The following CDH18 variants were observed in gnomAD, a reference collection of about 807,000 sequenced individuals.
CDH18 encodes cadherin-18.
A neutral mutation model predicts 67.9 loss-of-function variants in CDH18; 31 were observed. The observed-to-expected ratio is 0.46, with a 90% confidence interval of 0.34 to 0.62. The LOEUF is 0.62. CDH18 is among the 20% of genes least tolerant of loss of function. The probability of loss-of-function intolerance (pLI) is 0.01; values close to 1 mark genes in which losing one functional copy is unlikely to be tolerated. For synonymous variants in CDH18, 362 were observed against 347.2 expected (o/e 1.04, Z -0.48); for missense variants, 890 against 975.5 (o/e 0.91, Z 1.17).
intron 1 of CDH18, among the ~76,000 whole-genome samples, chr5:20,336,690 T>C: frequency 8.8e-6 from 1 of 113,740 alleles, no homozygotes; most frequent in Admixed American, 1.3e-4. Flanking sequence ...ACCACTGCAC[T>C]CCAGCCTGGG....
chr5:19,952,758 T>C (rs577621870), intron 2 of CDH18, among the ~76,000 whole-genome samples: 4 of 152,222 alleles, frequency 2.6e-5, no homozygotes, highest in African/African-American at 7.2e-5. Context: ...ATTCAATATA[T>C]ATTCAAACCT....
At chr5:19,961,410 T>C (rs1184925201) in intron 2 of CDH18, among the ~76,000 whole-genome samples, 1 of 152,090 alleles carries the variant, frequency 6.6e-6, no homozygotes. Flanking sequence ...CCCAGCCAAC[T>C]ACATTATAAT....
At chr5:20,169,661 C>T (rs1276969849) in intron 2 of CDH18, among the ~76,000 whole-genome samples, 1 of 152,096 alleles carries the variant, frequency 6.6e-6, no homozygotes, top group East Asian at 1.9e-4. Context: ...TGGCCTCATG[C>T]AATTTATACA....
chr5:19,511,708 G>GATA (rs1404471165), intron 10 of CDH18, among the ~76,000 whole-genome samples: 28 of 152,182 alleles, frequency 1.8e-4, no homozygotes, highest in African/African-American at 6.7e-4. Context: ...ATAGCAAAGA[G>GATA]CACCCTGGTG....
intron 5 of CDH18, among the ~76,000 whole-genome samples, chr5:19,696,394 G>A (rs991186527): frequency 1.3e-5 from 2 of 151,744 alleles, no homozygotes; most frequent in African/African-American, 2.4e-5. Context: ...AAAATTAGCC[G>A]GGTGTGGTGG....
At chr5:20,564,467 C>T (rs530148272) in intron 1 of CDH18, among the ~76,000 whole-genome samples, 18 of 151,614 alleles carry the variant, frequency 1.2e-4, no homozygotes, top group Non-Finnish European at 2.2e-4. Flanking sequence ...TCAGTAGAGA[C>T]GGGGTTTCAC....
At chr5:20,374,209 C>T (rs1159808344) in intron 1 of CDH18, among the ~76,000 whole-genome samples, 1 of 152,202 alleles carries the variant, frequency 6.6e-6, no homozygotes, top group South Asian at 2.1e-4. Context: ...CCAACCACTA[C>T]ACCCAACTAC....
At chr5:19,484,729 G>C (rs968857523) in intron 11 of CDH18, among the ~76,000 whole-genome samples, 3 of 152,166 alleles carry the variant, frequency 2.0e-5, no homozygotes, top group African/African-American at 7.2e-5. Context: ...CAGCCATTAA[G>C]AGACATTAAG....
chr5:20,141,040 C>G (rs959711369), intron 2 of CDH18, among the ~76,000 whole-genome samples: 13 of 152,152 alleles, frequency 8.5e-5, no homozygotes, highest in African/African-American at 2.7e-4. Flanking sequence ...CAGCCAGATT[C>G]CCACTCATCT....
At chr5:20,253,152 A>T (rs1364127637) in intron 2 of CDH18, among the ~76,000 whole-genome samples, 1 of 152,192 alleles carries the variant, frequency 6.6e-6, no homozygotes, top group Admixed American at 6.5e-5. Flanking sequence ...ACCAAAAATT[A>T]TCTTGCTAAT....
intron 1 of CDH18, among the ~76,000 whole-genome samples, chr5:20,413,220 A>T (rs1746952513): frequency 6.6e-6 from 1 of 152,208 alleles, no homozygotes; most frequent in Non-Finnish European, 1.5e-5. Flanking sequence ...ATTGATGGAC[A>T]TTTGGGTTGG....
At chr5:20,197,098 G>A (rs1047014894) in intron 2 of CDH18, among the ~76,000 whole-genome samples, 15 of 152,108 alleles carry the variant, frequency 9.9e-5, no homozygotes, top group East Asian at 5.8e-4. Context: ...TGGAACCTCC[G>A]TCTCCCAGGT....
chr5:19,585,349 T>C (rs1743985553), intron 7 of CDH18, among the ~76,000 whole-genome samples: 1 of 152,156 alleles, frequency 6.6e-6, no homozygotes, highest in African/African-American at 2.4e-5. Context: ...TTTGTCAATA[T>C]GAAGTTGTTT....
intron 1 of CDH18, among the ~76,000 whole-genome samples, chr5:20,341,375 C>G (rs1256762320): frequency 1.3e-5 from 2 of 152,042 alleles, no homozygotes; most frequent in Non-Finnish European, 2.9e-5. Flanking sequence ...GCTTCCTGCC[C>G]TCTAACATTG....
intron 1 of CDH18, among the ~76,000 whole-genome samples, chr5:20,489,401 T>C (rs1327374279): frequency 2.6e-5 from 4 of 152,080 alleles, no homozygotes; most frequent in African/African-American, 4.8e-5. Context: ...AATATTTTGA[T>C]AATGAACTAT....
rs988181830 is a variant in CDH18 at position 19,472,477 on chromosome 5, C to A, written c.*749G>T. ...TTTTCATAACATACCTTAAACTATTCTTTCTGTCCATTTAAAAATAGGAGT... is the reference window on the plus strand; with the variant it reads ...TTTTCATAACATACCTTAAACTATTATTTCTGTCCATTTAAAAATAGGAGT... On this transcript the variant is annotated 3_prime_UTR_variant, in exon 13 of 13. Transcript: ENST00000382275. 1.3e-5 allele frequency among the ~76,000 whole-genome samples: 2 copies of A among 152,082 alleles called. No homozygotes were observed. The highest frequency in any genetic ancestry group is 4.8e-5 in the African/African-American group (2 of 41,422).
At chr5:19,823,159 A>T (rs1390456773) in intron 3 of CDH18, among the ~76,000 whole-genome samples, 13 of 152,060 alleles carry the variant, frequency 8.5e-5, no homozygotes, top group Admixed American at 6.6e-5. Flanking sequence ...CAAGGTGCCC[A>T]GATTTCATAT....
intron 1 of CDH18, among the ~76,000 whole-genome samples, chr5:20,389,558 C>T (rs1227807976): frequency 3.9e-5 from 6 of 151,984 alleles, no homozygotes; most frequent in African/African-American, 9.7e-5. Flanking sequence ...AATGGCCATA[C>T]TGCCCAAGGT....
intron 5 of CDH18, among the ~76,000 whole-genome samples, chr5:19,669,704 C>G (rs918731757): frequency 2.6e-5 from 4 of 152,056 alleles, no homozygotes; most frequent in African/African-American, 9.7e-5. Flanking sequence ...ATCCATTAGA[C>G]AAGAGCAAAG....
Sources: gnomAD v4.1 joint callset for allele counts (sites outside exome capture counted in the v4.1 genomes callset) on GRCh38, gnomAD v4.1.1 for gene constraint, MANE v1.5 for transcripts, NCBI Gene and HGNC (gene_info 2026-07-23, HGNC 2026-07-21) for gene names.